The following CHD1L variants were observed in gnomAD, a reference collection of about 807,000 sequenced individuals.
CHD1L encodes chromodomain helicase DNA binding protein 1 like.
CHD1L carries 118 observed loss-of-function variants against 115.9 expected under a neutral mutation model. That is an observed-to-expected ratio of 1.02 (90% CI 0.88 to 1.19). The LOEUF (loss-of-function observed/expected upper bound fraction) is 1.19. Among genes scored for constraint, CHD1L ranks in the 50% most tolerant of loss-of-function variants. The pLI, the probability that CHD1L is intolerant of heterozygous loss-of-function variation, is 0.00. For missense variants in CHD1L, 1,179 were observed against 1,065.3 expected, an observed-to-expected ratio of 1.11 and a Z score of -1.49; for synonymous variants, 411 against 387.1, an observed-to-expected ratio of 1.06 and a Z score of -0.72.
chr1:147,236,481 C>A, the CHD1L span, among the ~76,000 whole-genome samples: 2 of 152,188 alleles, frequency 1.3e-5, no homozygotes, highest in African/African-American at 4.8e-5. Flanking sequence ...TGAAGAGAAA[C>A]TTTATTGAGT....
the CHD1L span, chr1:147,175,688 C>G: frequency 2.0e-5 from 3 of 152,230 alleles, no homozygotes; most frequent in East Asian, 5.8e-4. Context: ...AACCTCTTTT[C>G]TTTATAAATT....
chr1:147,264,663 AAAG>A (rs1359618345), intron 7 of CHD1L, 79 bp downstream of exon 7: 37 of 1,460,860 alleles, frequency 2.5e-5, no homozygotes, highest in South Asian at 3.9e-5. Flanking sequence ...TATAGGTAGA[AAAG>A]AAGGAGAATT....
chr1:147,274,934 G>A (rs1189102962), intron 12 of CHD1L, among the ~76,000 whole-genome samples: 2 of 151,922 alleles, frequency 1.3e-5, no homozygotes, highest in Non-Finnish European at 1.5e-5. Context: ...AGCGACATTC[G>A]GCACTCTTCT....
the CHD1L span, among the ~76,000 whole-genome samples, chr1:147,231,300 C>G: frequency 2.0e-4 from 31 of 152,218 alleles, no homozygotes; most frequent in South Asian, 2.1e-4. Context: ...GTTCAGTTTC[C>G]ATGTAGTGGA....
chr1:147,276,492 A>T (rs782429204), intron 14 of CHD1L, among the ~76,000 whole-genome samples: 2 of 152,132 alleles, frequency 1.3e-5, no homozygotes, highest in Non-Finnish European at 2.9e-5. Context: ...AACTTCTTAG[A>T]TCTACTCTTT....
In CHD1L at chr1:147,260,003, A is replaced by G. The variant is rs1266024111; in HGVS notation, c.576+85A>G. 7.8e-6 allele frequency: 8 copies of G among 1,027,292 alleles called. No homozygotes were observed. In the African/African-American group the frequency reaches 1.1e-4, roughly 15 times the overall value. The allele number at this position is 1,027,292 out of a possible 1,614,324, so 63.6% of individuals were successfully genotyped here. A position where few individuals can be genotyped will look rare whatever the true frequency, so the allele number is the denominator to read the frequency against. On this transcript the variant is annotated intron_variant, in intron 6 of 22. Coordinates refer to ENST00000369258, the MANE Select transcript of CHD1L (RefSeq NM_004284.6). ...ATTTTAGAGTAATTTTAGATTCACA[A>G]CAAAATTGAACAGAAACTACAGATG... is the stretch of plus-strand genomic sequence containing the variant.
rs782286457 is a variant in CHD1L at position 147,267,403 on chromosome 1, CTCTCTT to C, written c.896-21_896-16del. The C allele has an allele frequency of 6.3e-7, 1 of 1,576,700 alleles. No individual in the cohort carries two copies. The highest frequency in any genetic ancestry group is 1.5e-5 in the African/African-American group (1 of 67,880). ...TTCAGTAGGCCATCTCTTTCTGTCT[CTCTCTT>C]TTTTTTTAAATTTCAGATGCATTTG... On this transcript the variant is annotated splice_polypyrimidine_tract_variant and intron_variant, in intron 8 of 22. Coordinates refer to ENST00000369258, the MANE Select transcript of CHD1L (RefSeq NM_004284.6).
intron 1 of CHD1L, among the ~76,000 whole-genome samples, chr1:147,245,677 A>G (rs1666366086): frequency 7.0e-6 from 1 of 143,544 alleles, no homozygotes; most frequent in Admixed American, 7.3e-5. Context: ...ATAATTACAT[A>G]TTATTTTTGA....
At chr1:147,256,673 T>TGGAA (rs1670273076) in intron 5 of CHD1L, 111 bp downstream of exon 5, 1 of 1,042,888 alleles carries the variant, frequency 9.6e-7, no homozygotes, top group African/African-American at 1.6e-5. Context: ...ATGTCTTCCA[T>TGGAA]GAGTTCTGTT....
chr1:147,292,369 A>T (rs1685862643), intron 20 of CHD1L, among the ~76,000 whole-genome samples: 1 of 152,180 alleles, frequency 6.6e-6, no homozygotes, highest in Non-Finnish European at 1.5e-5. Context: ...GCATCTTGGG[A>T]TGCCTGTAGT....
At chr1:147,289,503 T>G (rs1419681937) in intron 19 of CHD1L, among the ~76,000 whole-genome samples, 1 of 151,730 alleles carries the variant, frequency 6.6e-6, no homozygotes, top group Admixed American at 6.6e-5. Flanking sequence ...TTGAGGAGAG[T>G]GGGAAGCTCA....
At chr1:147,279,904 A>T (rs1447275361) in intron 14 of CHD1L, 122 bp from the exon 15 acceptor site, 3 of 930,372 alleles carry the variant, frequency 3.2e-6, no homozygotes, top group Admixed American at 2.1e-5. Context: ...GAGAGCAGAA[A>T]GGCTGCCTGT....
the CHD1L span, among the ~76,000 whole-genome samples, chr1:147,194,918 T>C: frequency 6.6e-6 from 1 of 152,036 alleles, no homozygotes; most frequent in African/African-American, 2.4e-5. Context: ...TAACCCGACC[T>C]TTCTCTCTGG....
intron 7 of CHD1L, 142 bp downstream of exon 7, chr1:147,264,726 A>G: frequency 1.3e-6 from 1 of 766,754 alleles, no homozygotes; most frequent in Non-Finnish European, 2.1e-6. Flanking sequence ...TATTAGGGAG[A>G]TGTTAAGTCA....
chr1:147,251,359 C>G lies in CHD1L; in HGVS notation c.128-1264C>G, dbSNP rs587754815. On this transcript the variant is annotated intron_variant, in intron 1 of 22. Transcript: ENST00000369258. ...CCTTTCAGAGTTTTATGCTTGTTTT[C>G]TGTAGCATGTCTAGGGTTTTTATTT... 3.3e-5 allele frequency among the ~76,000 whole-genome samples: 5 copies of G among 152,210 alleles called. No homozygotes were observed. In the East Asian group the frequency reaches 7.7e-4, roughly 24 times the overall value.
chr1:147,237,836 C>T (rs1308777511), upstream of CHD1L, among the ~76,000 whole-genome samples: 2 of 152,120 alleles, frequency 1.3e-5, no homozygotes, highest in Non-Finnish European at 2.9e-5. Flanking sequence ...AAAAGGCATC[C>T]AGTTAAAAAG....
the CHD1L span, chr1:147,204,419 GT>G: frequency 8.6e-7 from 1 of 1,169,230 alleles, no homozygotes; most frequent in Non-Finnish European, 1.3e-6. Context: ...TTACCATATT[GT>G]TTACACATTA....
chr1:147,207,355 T>C, the CHD1L span, among the ~76,000 whole-genome samples: 5 of 152,196 alleles, frequency 3.3e-5, no homozygotes, highest in African/African-American at 1.2e-4. Context: ...ATTGTACTTA[T>C]TATTTTGCAA....
the CHD1L span, among the ~76,000 whole-genome samples, chr1:147,229,725 A>G: frequency 6.6e-6 from 1 of 152,124 alleles, no homozygotes; most frequent in African/African-American, 2.4e-5. Flanking sequence ...GGTACTTCAC[A>G]TCCCTTGTAA....
Sources: allele counts gnomAD v4.1 joint callset (sites outside exome capture counted in the v4.1 genomes callset), GRCh38; gene constraint gnomAD v4.1.1; transcripts MANE v1.5; gene names NCBI Gene and HGNC (gene_info 2026-07-23, HGNC 2026-07-21).